The following GRM8 variants were observed in gnomAD, a reference collection of about 807,000 sequenced individuals.
GRM8 encodes the protein metabotropic glutamate receptor 8.
GRM8 carries 47 observed loss-of-function variants against 87.2 expected under a neutral mutation model. That is an observed-to-expected ratio of 0.54 (90% confidence interval 0.43 to 0.69). GRM8 has a LOEUF of 0.69. Among genes scored for constraint, GRM8 ranks in the 30% least tolerant of loss-of-function variants. The pLI is 0.00. For synonymous variants in GRM8, 396 were observed against 404.5 expected (o/e 0.98, Z 0.25); for missense variants, 1,019 against 1,139.2 (o/e 0.89, Z 1.52).
intron 7 of GRM8, among the ~76,000 whole-genome samples, chr7:126,618,074 T>C (rs987192073): frequency 3.3e-5 from 5 of 152,120 alleles, no homozygotes; most frequent in African/African-American, 9.7e-5. Context: ...GCCAAGACAA[T>C]CCTAAGCCAA....
intron 3 of GRM8, among the ~76,000 whole-genome samples, chr7:127,069,811 CCT>C (rs1364491544): frequency 6.6e-6 from 1 of 152,186 alleles, no homozygotes; most frequent in Non-Finnish European, 1.5e-5. Flanking sequence ...AGTTTTGTAA[CCT>C]CTCTGAGACA....
rs752682935 is a variant in GRM8 at position 126,533,271 on chromosome 7, G to A, written c.2111C>T (p.Ser704Phe). The A allele has an allele frequency of 6.2e-7, 1 of 1,613,742 alleles. No individual in the cohort carries two copies. The highest frequency in any genetic ancestry group is 1.7e-5 in the Admixed American group (1 of 59,946). Residue 704 changes from serine (S) to phenylalanine (F), a missense_variant, in exon 9 of 11, where the codon TCC (serine) becomes TTC (phenylalanine). Transcript: ENST00000339582. ...GACAAACACTCCAAGGAGCTGGACG[G>A]AGATGAGGCTGAAGGTGATCACCAG... ...SQLVITFSLI[S>F]VQLLGVFVWF... is the part of the protein sequence containing the mutation.
At chr7:126,667,547 A>C (rs963883780) in intron 7 of GRM8, among the ~76,000 whole-genome samples, 1 of 152,234 alleles carries the variant, frequency 6.6e-6, no homozygotes, top group Middle Eastern at 3.2e-3. Flanking sequence ...TACAATGCAA[A>C]GTTGAAGCTT....
intron 7 of GRM8, among the ~76,000 whole-genome samples, chr7:126,737,565 G>C (rs1166341977): frequency 6.6e-6 from 1 of 151,940 alleles, no homozygotes; most frequent in Non-Finnish European, 1.5e-5. Flanking sequence ...TAGGCAGCGG[G>C]CAAGGTGGTT....
chr7:127,073,409 A>G (rs937163482), intron 3 of GRM8, among the ~76,000 whole-genome samples: 1 of 152,180 alleles, frequency 6.6e-6, no homozygotes, highest in Non-Finnish European at 1.5e-5. Context: ...TAATGGTTGC[A>G]GGTTTTGAGA....
rs530850374 is a variant in GRM8 at position 126,945,213 on chromosome 7, T to A, written c.728-40530A>T. Among the ~76,000 whole-genome samples, 191 of 152,314 alleles carry A rather than the reference T, an allele frequency of 1.3e-3. 4 individuals carry two copies. In the South Asian group the frequency reaches 0.039, roughly 31 times the overall value. On this transcript the variant is annotated intron_variant, in intron 3 of 10. Transcript: ENST00000339582. ...CGCAAAAAAATACAAAACCTAAATA[T>A]TAATAAATAAGCAATTAATAAATAC...
intron 6 of GRM8, among the ~76,000 whole-genome samples, chr7:126,872,774 C>T (rs912704806): frequency 6.6e-6 from 1 of 152,114 alleles, no homozygotes; most frequent in African/African-American, 2.4e-5. Context: ...AAAGATTTAT[C>T]ACTCCTCTTG....
intron 2 of GRM8, chr7:127,229,616 G>A (rs1387580296): frequency 6.6e-6 from 1 of 152,128 alleles, no homozygotes; most frequent in African/African-American, 2.4e-5. Context: ...TTAAATAGGT[G>A]GGGTTAACCA....
chr7:126,598,257 T>C (rs987172772), intron 8 of GRM8, among the ~76,000 whole-genome samples: 3 of 152,014 alleles, frequency 2.0e-5, no homozygotes, highest in African/African-American at 7.2e-5. Context: ...TTTAATGCCC[T>C]ATTTCTCCCT....
chr7:126,683,191 G>A (rs963597173), intron 7 of GRM8, among the ~76,000 whole-genome samples: 1 of 152,220 alleles, frequency 6.6e-6, no homozygotes, highest in African/African-American at 2.4e-5. Context: ...TACATTTGCT[G>A]AACCCACAAT....
chr7:126,777,747 G>T (rs1249752484), intron 6 of GRM8, among the ~76,000 whole-genome samples: 2 of 151,782 alleles, frequency 1.3e-5, no homozygotes, highest in African/African-American at 4.8e-5. Context: ...ACTTAAAAAG[G>T]AAAAAAGTTT....
intron 6 of GRM8, among the ~76,000 whole-genome samples, chr7:126,899,869 C>T (rs934248522): frequency 6.6e-6 from 1 of 152,018 alleles, no homozygotes; most frequent in African/African-American, 2.4e-5. Flanking sequence ...TCCTCCACTT[C>T]TATTCTGTTC....
intron 3 of GRM8, among the ~76,000 whole-genome samples, chr7:126,922,724 T>A (rs1265295342): frequency 1.3e-5 from 2 of 152,160 alleles, no homozygotes; most frequent in East Asian, 3.9e-4. Context: ...TGGGGCCTGG[T>A]GGGAGGTGAT....
chr7:127,137,717 A>T (rs1160290171), intron 2 of GRM8, among the ~76,000 whole-genome samples: 1 of 151,370 alleles, frequency 6.6e-6, no homozygotes, highest in South Asian at 2.1e-4. Flanking sequence ...CTTTGCTATT[A>T]AAAAAAAATA....
intron 2 of GRM8, among the ~76,000 whole-genome samples, chr7:127,223,484 C>CAA: frequency 7.0e-6 from 1 of 142,966 alleles, no homozygotes; most frequent in South Asian, 2.2e-4. Context: ...CACACACACA[C>CAA]ACAAAACTGT....
chr7:126,830,069 T>C (rs1240599478), intron 6 of GRM8, among the ~76,000 whole-genome samples: 2 of 152,194 alleles, frequency 1.3e-5, no homozygotes, highest in Admixed American at 6.5e-5. Context: ...TGCCGAGAGA[T>C]CAGCTGTTAG....
intron 3 of GRM8, among the ~76,000 whole-genome samples, chr7:126,974,118 A>C (rs76381036): frequency 6.6e-6 from 1 of 152,224 alleles, no homozygotes; most frequent in South Asian, 2.1e-4. Context: ...AATTACTTTT[A>C]GGCTATATGT....
chr7:126,451,860 C>T (rs1802649518), intron 9 of GRM8, among the ~76,000 whole-genome samples: 1 of 151,668 alleles, frequency 6.6e-6, no homozygotes, highest in Non-Finnish European at 1.5e-5. Flanking sequence ...AAAATTGTAA[C>T]CCCCAACCTT....
chr7:126,555,423 T>C (rs1290983729), intron 8 of GRM8, among the ~76,000 whole-genome samples: 1 of 152,218 alleles, frequency 6.6e-6, no homozygotes, highest in Non-Finnish European at 1.5e-5. Flanking sequence ...CAGACAATGC[T>C]AAGAACAGCT....
Sources: allele counts gnomAD v4.1 joint callset (sites outside exome capture counted in the v4.1 genomes callset), GRCh38; gene constraint gnomAD v4.1.1; transcripts MANE v1.5; gene names NCBI Gene and HGNC (gene_info 2026-07-23, HGNC 2026-07-21).